The following CLEC2L variants were observed in gnomAD, a reference collection of about 807,000 sequenced individuals.
CLEC2L encodes C-type lectin domain family 2 member L.
Under a neutral mutation model 23.6 loss-of-function variants are expected in CLEC2L, and 14 were observed. The observed-to-expected ratio is 0.59, with a 90% CI of 0.39 to 0.93. CLEC2L has a LOEUF of 0.93. CLEC2L is among the 40% of genes least tolerant of loss of function. CLEC2L has a pLI of 0.00. For synonymous variants in CLEC2L, 114 were observed against 121.3 expected, an observed-to-expected ratio of 0.94 and a Z score of 0.40; for missense variants, 264 against 282.4, an observed-to-expected ratio of 0.93 and a Z score of 0.47.
chr7:139,540,110 C>T lies in CLEC2L; in HGVS notation c.266-211C>T, dbSNP rs924333785. ...CAGGGGCTGCCCTGCTGTCACTTCC[C>T]GTCGTGATGATGCCCCTGCCAGGCT... is the stretch of plus-strand genomic sequence containing the variant. On this transcript the variant is annotated intron_variant, in intron 2 of 4. Transcript: ENST00000422142. The surrounding 1 kb of genome is among the most constrained non-coding windows in gnomAD (Gnocchi z 5.8). 1.1e-4 allele frequency: 59 copies of T among 554,744 alleles called. 2 individuals are homozygous for T. The highest frequency in any genetic ancestry group is 1.1e-4 in the African/African-American group (6 of 52,960). 34.4% of individuals were successfully genotyped at this position (554,744 alleles called of 1,614,324 possible). A position where few individuals can be genotyped will look rare whatever the true frequency, so the allele number is the denominator to read the frequency against.
intron 1 of CLEC2L, among the ~76,000 whole-genome samples, chr7:139,533,487 C>T (rs1427585040): frequency 6.6e-6 from 1 of 152,160 alleles, no homozygotes; most frequent in Non-Finnish European, 1.5e-5. Context: ...TATCGAGTAG[C>T]TGGGATTACA....
At chr7:139,535,553 T>A (rs1392558194) in intron 1 of CLEC2L, among the ~76,000 whole-genome samples, 1 of 152,212 alleles carries the variant, frequency 6.6e-6, no homozygotes, top group African/African-American at 2.4e-5. Flanking sequence ...ATTTTTAAAA[T>A]CCTTAAAATA....
Position 139,533,190 on chromosome 7 carries a change from T to C in CLEC2L, c.191-3084T>C, listed in dbSNP as rs556702568. On this transcript the variant is annotated intron_variant, in intron 1 of 4. Transcript: ENST00000422142. The stretch of plus-strand genomic sequence containing the variant: ...AGGGTAGAATGGTAATGCAGAGAAT[T>C]AAGTCTGCATCATTATAATGGAAAA... Among the ~76,000 whole-genome samples, 6 of 152,246 alleles carry C rather than the reference T, an allele frequency of 3.9e-5. 1 individual carries two copies. The South Asian group carries it at 1.2e-3, about 32-fold the overall frequency.
rs377301162 is a variant in CLEC2L at position 139,540,377 on chromosome 7, G to A, written c.322G>A (p.Gly108Arg). The A allele has an allele frequency of 1.1e-4, 180 of 1,611,464 alleles. No individual in the cohort carries two copies. The highest frequency in any genetic ancestry group is 1.1e-3 in the South Asian group (97 of 90,334). ...APCPEDWLLY[G>R]RKCYFFSEEP... ...CTGCCCGGAGGACTGGCTGCTCTAC[G>A]GAAGGAAGTGCTACTTCTTTTCCGA... Residue 108 changes from glycine to arginine, a missense_variant, in exon 3 of 5, where the codon GGA (glycine) becomes AGA (arginine). Transcript: ENST00000422142. The surrounding 1 kb of genome is among the most constrained non-coding windows in gnomAD (Gnocchi z 5.8).
In CLEC2L at chr7:139,540,251, G is replaced by A; in HGVS notation, c.266-70G>A. On this transcript the variant is annotated intron_variant, in intron 2 of 4. Coordinates refer to ENST00000422142, the MANE Select transcript of CLEC2L (RefSeq NM_001080511.4). The surrounding 1 kb of genome is among the most constrained non-coding windows in gnomAD (Gnocchi z 5.8). ...GACGCCAAAGCTGAGGCAGGGGAGG[G>A]AGCCACAGAAAGCAGAGTGGGACTC... The A allele has an allele frequency of 6.8e-7, 1 of 1,460,898 alleles. No individual in the cohort carries two copies. The highest frequency in any genetic ancestry group is 9.3e-7 in the Non-Finnish European group (1 of 1,080,886). 90.5% of individuals were successfully genotyped at this position (1,460,898 alleles called of 1,614,324 possible).
intron 1 of CLEC2L, among the ~76,000 whole-genome samples, chr7:139,524,382 C>T (rs1330689521): frequency 6.6e-6 from 1 of 152,246 alleles, no homozygotes; most frequent in Non-Finnish European, 1.5e-5. Flanking sequence ...GAGCGGGCTT[C>T]ACGCTCTGAG....
chr7:139,540,269 TG>T lies in CLEC2L; in HGVS notation c.266-49del. On this transcript the variant is annotated intron_variant, in intron 2 of 4. Transcript: ENST00000422142. This position sits in a 1 kb window ranked among gnomAD's most constrained non-coding sequence, Gnocchi z 5.8. ...GGGGAGGGAGCCACAGAAAGCAGAG[TG>T]GGACTCGGGCTGGGGGGGCGGGCAG... 7.8e-7 allele frequency: 1 copy of T among 1,286,470 alleles called. No individual in the cohort carries two copies. The highest frequency in any genetic ancestry group is 1.0e-6 in the Non-Finnish European group (1 of 983,122). 79.7% of individuals were successfully genotyped at this position (1,286,470 alleles called of 1,614,324 possible).
Position 139,540,428 on chromosome 7 carries a change from A to G in CLEC2L, c.373A>G (p.Arg125Gly), listed in dbSNP as rs1405633856. 5 of 1,606,302 alleles carry G rather than the reference A, an allele frequency of 3.1e-6. No homozygotes were observed. Among genetic ancestry groups the G allele is most frequent in the Middle Eastern group, 1.7e-4 (1 of 5,992 alleles). ...SEEPRDWNTGRQYCHTHEAVL... is the reference protein window; with the variant it reads ...SEEPRDWNTGGQYCHTHEAVL... The stretch of plus-strand genomic sequence containing the variant: ...GGAACCCAGAGACTGGAACACAGGC[A>G]GGCAGTACTGCCACACCCACGAGGC... Residue 125 changes from arginine to glycine, a missense_variant, in exon 3 of 5, where the codon AGG becomes GGG. By Grantham distance (125) the Arg-to-Gly change is moderately radical. Coordinates refer to ENST00000422142, the MANE Select transcript of CLEC2L (RefSeq NM_001080511.4). This position sits in a 1 kb window ranked among gnomAD's most constrained non-coding sequence, Gnocchi z 5.8.
At position 139,525,800 on chromosome 7, in the gene CLEC2L, C is replaced by A. The variant is rs957681951; in HGVS notation, c.190+1683C>A. ...TGTCCACCTCCTGCCCTGACTTCCA[C>A]CCCCTTGTGCTTCCTCCTCCCCACT... On this transcript the variant is annotated intron_variant, in intron 1 of 4. Transcript: ENST00000422142. 3.3e-5 allele frequency among the ~76,000 whole-genome samples: 5 copies of A among 152,298 alleles called. No individual in the cohort carries two copies. The South Asian group carries it at 6.2e-4, about 19-fold the overall frequency.
intron 1 of CLEC2L, chr7:139,534,264 A>G (rs1201309470): frequency 2.2e-6 from 3 of 1,381,260 alleles, no homozygotes; most frequent in Non-Finnish European, 3.1e-6. Flanking sequence ...TTTTGCTGAT[A>G]CAGACTACCA....
intron 1 of CLEC2L, chr7:139,534,665 C>T (rs894695549): frequency 1.3e-5 from 7 of 527,204 alleles, no homozygotes; most frequent in East Asian, 3.1e-5. Context: ...CTTTGTTATA[C>T]TCTAGCCAAG....
At chr7:139,536,814 A>C (rs533167521) in intron 2 of CLEC2L, among the ~76,000 whole-genome samples, 127 of 151,968 alleles carry the variant, frequency 8.4e-4, no homozygotes, top group African/African-American at 2.9e-3. Context: ...GTCTCTACTA[A>C]AAGTGCAAAA....
At chr7:139,524,765 C>G (rs549056818) in intron 1 of CLEC2L, among the ~76,000 whole-genome samples, 21 of 152,282 alleles carry the variant, frequency 1.4e-4, no homozygotes, top group African/African-American at 5.1e-4. Context: ...TAGCTACCGC[C>G]GGCGGCGTGT....
intron 1 of CLEC2L, among the ~76,000 whole-genome samples, chr7:139,528,075 A>G (rs1353391076): frequency 1.3e-5 from 2 of 152,186 alleles, no homozygotes; most frequent in African/African-American, 4.8e-5. Flanking sequence ...CTACACCCTT[A>G]TACGCCATCT....
chr7:139,532,050 T>G lies in CLEC2L; in HGVS notation c.191-4224T>G, dbSNP rs115033850. On this transcript the variant is annotated intron_variant, in intron 1 of 4. Coordinates refer to ENST00000422142, the MANE Select transcript of CLEC2L (RefSeq NM_001080511.4). The stretch of plus-strand genomic sequence containing the variant: ...GCAATGATGAAATTTTAGAACATTG[T>G]GCAATGAAGACCCTAAAAGCATCTA... 5.3e-3 allele frequency among the ~76,000 whole-genome samples: 812 copies of G among 152,280 alleles called. 7 individuals are homozygous for G. The highest frequency in any genetic ancestry group is 0.018 in the African/African-American group (763 of 41,554).
At chr7:139,530,108 T>TGGGAGGCGGAGGTTGCA (rs1163718337) in intron 1 of CLEC2L, among the ~76,000 whole-genome samples, 2 of 149,818 alleles carry the variant, frequency 1.3e-5, no homozygotes, top group African/African-American at 4.9e-5. Flanking sequence ...TGCTTGAACC[T>TGGGAGGCGGAGGTTGCA]GGGAGGCGGA....
At chr7:139,533,648 G>A (rs1366876452) in intron 1 of CLEC2L, among the ~76,000 whole-genome samples, 2 of 152,146 alleles carry the variant, frequency 1.3e-5, no homozygotes, top group African/African-American at 2.4e-5. Flanking sequence ...GAGCCACTGC[G>A]CTCTGCACTA....
In CLEC2L at chr7:139,523,938, C is replaced by G. The variant is rs1430185833; in HGVS notation, c.11C>G (p.Ala4Gly). Reference sequence around the variant, plus strand: ...GGCGGAGCGCCCCGCATGGAGCCGGCCCGGGAGCCCCCCTCGCGGGCCCGG... The same window carrying G: ...GGCGGAGCGCCCCGCATGGAGCCGGGCCGGGAGCCCCCCTCGCGGGCCCGG... MEP[A>G]REPPSRARPP... The change falls in exon 1 of 5, where the codon GCC becomes GGC. Residue 4 changes from alanine (A) to glycine (G), a missense_variant. Physicochemically the swap from Ala to Gly is moderately conservative, Grantham distance 60. Transcript: ENST00000422142. This position sits in a 1 kb window ranked among gnomAD's most constrained non-coding sequence, Gnocchi z 4.1. 1 of 975,330 alleles carries G rather than the reference C, an allele frequency of 1.0e-6. No individual in the cohort carries two copies. Among genetic ancestry groups the G allele is most frequent in the African/African-American group, 1.8e-5 (1 of 56,458 alleles). 60.4% of individuals were successfully genotyped at this position (975,330 alleles called of 1,614,324 possible). A position where few individuals can be genotyped will look rare whatever the true frequency, so the allele number is the denominator to read the frequency against.
chr7:139,543,863 G>A lies in CLEC2L; in HGVS notation c.534-368G>A, dbSNP rs1797770684. ...CAGGTAGAGGCCCCAGGGGGCTATGGGAGTGCCCCACAGAGCAGGCAGGGG... is the reference window on the plus strand; with the variant it reads ...CAGGTAGAGGCCCCAGGGGGCTATGAGAGTGCCCCACAGAGCAGGCAGGGG... On this transcript the variant is annotated intron_variant, in intron 4 of 4. Coordinates refer to ENST00000422142, the MANE Select transcript of CLEC2L (RefSeq NM_001080511.4). Among the ~76,000 whole-genome samples, 6 of 152,188 alleles carry A rather than the reference G, an allele frequency of 3.9e-5. No individual in the cohort carries two copies. In the South Asian group the frequency reaches 1.2e-3, roughly 32 times the overall value.
Sources: gnomAD v4.1 joint callset for allele counts (sites outside exome capture counted in the v4.1 genomes callset) on GRCh38, gnomAD v4.1.1 for gene constraint, Gnocchi (gnomAD v3.1) non-coding constraint, MANE v1.5 for transcripts, NCBI Gene and HGNC (gene_info 2026-07-23, HGNC 2026-07-21) for gene names.